Variants in NOVA1 observed in about 807,000 individuals in gnomAD.
The protein encoded by NOVA1 is RNA-binding protein Nova-1.
In NOVA1, 7 loss-of-function variants were observed where a neutral mutation model predicts 38.0. The ratio of observed to expected loss-of-function variants is 0.18; its 90% CI spans 0.10 to 0.35. The LOEUF (loss-of-function observed/expected upper bound fraction) is 0.35, where lower values mean the gene tolerates loss of function less well. Ranked by LOEUF, NOVA1 falls within the 10% of genes least tolerant of loss-of-function variation. NOVA1 has a pLI of 1.00. For synonymous variants in NOVA1, 270 were observed against 232.5 expected (o/e 1.16, Z -1.47); for missense variants, 460 against 616.0 (o/e 0.75, Z 2.68).
At chr14:26,576,812 G>A (rs1465418809) in intron 2 of NOVA1, among the ~76,000 whole-genome samples, 1 of 151,824 alleles carries the variant, frequency 6.6e-6, no homozygotes, top group Non-Finnish European at 1.5e-5. Context: ...ATAGTGAAAT[G>A]ATTACTACAG....
chr14:26,505,787 G>A (rs1165964184), intron 2 of NOVA1, among the ~76,000 whole-genome samples: 2 of 152,048 alleles, frequency 1.3e-5, no homozygotes, highest in African/African-American at 4.8e-5. Context: ...TGTTACTTGA[G>A]ATTCATTAAC....
At chr14:26,593,586 C>A (rs1893995471) in intron 2 of NOVA1, 1 of 151,852 alleles carries the variant, frequency 6.6e-6, no homozygotes, top group Non-Finnish European at 1.5e-5. Flanking sequence ...CGTCACCACA[C>A]ACACAAAATT....
chr14:26,550,730 T>G (rs1891107925), intron 2 of NOVA1, among the ~76,000 whole-genome samples: 1 of 152,136 alleles, frequency 6.6e-6, no homozygotes, highest in Non-Finnish European at 1.5e-5. Flanking sequence ...TATTCACACC[T>G]AGGTTTCTTT....
intron 2 of NOVA1, among the ~76,000 whole-genome samples, chr14:26,494,996 T>C (rs1386247318): frequency 6.6e-6 from 1 of 152,200 alleles, no homozygotes; most frequent in Non-Finnish European, 1.5e-5. Flanking sequence ...TGACCTCTGC[T>C]GAGCTCTCGT....
At chr14:26,479,055 CTT>C (rs1269571323) in intron 3 of NOVA1, 3 of 151,718 alleles carry the variant, frequency 2.0e-5, no homozygotes, top group Non-Finnish European at 4.4e-5. Context: ...ATTAATAAGA[CTT>C]TGAGCTACAT....
intron 3 of NOVA1, among the ~76,000 whole-genome samples, chr14:26,474,854 A>G (rs1256956197): frequency 6.6e-6 from 1 of 152,012 alleles, no homozygotes. Flanking sequence ...AAGATGTGAC[A>G]AGTTTTGCAG....
Position 26,446,634 on chromosome 14 carries a change from A to G in NOVA1, c.*1325T>C, listed in dbSNP as rs1882099969. ...CCCTATGAGTGGCCTTGAGTGGGCAAACTCAGAGGTTAACAGATGGTGTGT... is the reference window on the plus strand; with the variant it reads ...CCCTATGAGTGGCCTTGAGTGGGCAGACTCAGAGGTTAACAGATGGTGTGT... On this transcript the variant is annotated 3_prime_UTR_variant, in exon 5 of 5. Coordinates refer to ENST00000539517, the MANE Select transcript of NOVA1 (RefSeq NM_002515.3). The G allele has an allele frequency of 6.5e-6, 1 of 152,772 alleles. No individual in the cohort carries two copies. The highest frequency in any genetic ancestry group is 1.5e-5 in the Non-Finnish European group (1 of 68,152). 9.5% of individuals were successfully genotyped at this position (152,772 alleles called of 1,614,324 possible). A position where few individuals can be genotyped will look rare whatever the true frequency, so the allele number is the denominator to read the frequency against.
At chr14:26,467,717 G>A (rs563680926) in intron 4 of NOVA1, among the ~76,000 whole-genome samples, 2 of 152,196 alleles carry the variant, frequency 1.3e-5, no homozygotes, top group Non-Finnish European at 1.5e-5. Flanking sequence ...TTTTAGACAA[G>A]AGCAGGGAAA....
rs148675154 is a variant in NOVA1, at chr14:26,447,913, T to C, written c.*46A>G. 2.4e-5 allele frequency: 36 copies of C among 1,477,638 alleles called. No homozygotes were observed. In the Middle Eastern group the frequency reaches 5.5e-4, roughly 23 times the overall value. 91.5% of individuals were successfully genotyped at this position (1,477,638 alleles called of 1,614,324 possible). ...AAGTACAGTACATCCTTCTTGAAAA[T>C]GGGGTAAAGGAGGGGTTAAAACAAT... On this transcript the variant is annotated 3_prime_UTR_variant, in exon 5 of 5. Transcript: ENST00000539517.
intron 2 of NOVA1, among the ~76,000 whole-genome samples, chr14:26,558,174 T>TTATA (rs1030187897): frequency 2.7e-5 from 4 of 150,320 alleles, no homozygotes; most frequent in Non-Finnish European, 4.4e-5. Context: ...TTTACAAATC[T>TTATA]TATATATATA....
At chr14:26,596,010 G>A (rs531788053) in intron 1 of NOVA1, 2 of 318,982 alleles carry the variant, frequency 6.3e-6, no homozygotes, top group East Asian at 9.3e-5. Context: ...TTTGTCATTA[G>A]CAGACACATA....
intron 2 of NOVA1, among the ~76,000 whole-genome samples, chr14:26,495,115 T>C (rs1180320204): frequency 2.0e-5 from 3 of 152,128 alleles, no homozygotes; most frequent in African/African-American, 7.2e-5. Flanking sequence ...GCCTTTTTTT[T>C]CCCACTGATC....
Position 26,447,922 on chromosome 14 carries a change from G to A in NOVA1, c.*37C>T, listed in dbSNP as rs142159341. On this transcript the variant is annotated 3_prime_UTR_variant, in exon 5 of 5. Transcript: ENST00000539517. ...ACATCCTTCTTGAAAATGGGGTAAA[G>A]GAGGGGTTAAAACAATCTGATGTGT... is the stretch of plus-strand genomic sequence containing the variant. 6.5e-7 allele frequency: 1 copy of A among 1,547,970 alleles called. No homozygotes were observed. The highest frequency in any genetic ancestry group is 8.9e-7 in the Non-Finnish European group (1 of 1,122,218).
At chr14:26,540,019 AACATTTC>A (rs1350069590) in intron 2 of NOVA1, among the ~76,000 whole-genome samples, 7 of 152,174 alleles carry the variant, frequency 4.6e-5, no homozygotes, top group African/African-American at 1.7e-4. Context: ...AGTCTTTTGT[AACATTTC>A]CAAGGAAGCT....
At chr14:26,496,184 C>A (rs1886764633) in intron 2 of NOVA1, among the ~76,000 whole-genome samples, 1 of 151,600 alleles carries the variant, frequency 6.6e-6, no homozygotes, top group South Asian at 2.1e-4. Flanking sequence ...TTAATGATTG[C>A]CATTCTAACT....
chr14:26,583,920 C>CACAT lies in NOVA1; in HGVS notation c.280+11489_280+11490insATGT, dbSNP rs1893371537. On this transcript the variant is annotated intron_variant, in intron 2 of 4. Transcript: ENST00000539517. Reference sequence around the variant, plus strand: ...ACACACACACACACACACACACACACATATATTGTATAAATCACTCATGTT... The same window carrying CACAT: ...ACACACACACACACACACACACACACACATATATATTGTATAAATCACTCATGTT... Among the ~76,000 whole-genome samples the CACAT allele has an allele frequency of 2.2e-5, 3 of 135,922 alleles. No homozygotes were observed. In the South Asian group the frequency reaches 7.2e-4, roughly 33 times the overall value. The allele number at this position is 135,922 out of a possible 152,430, so 89.2% of individuals were successfully genotyped here.
In NOVA1 at chr14:26,512,212, TAA is replaced by T. The variant is rs1244288808; in HGVS notation, c.281-32071_281-32070del. 3.3e-5 allele frequency among the ~76,000 whole-genome samples: 5 copies of T among 152,344 alleles called. No homozygotes were observed. The East Asian group carries it at 9.6e-4, about 29-fold the overall frequency. On this transcript the variant is annotated intron_variant, in intron 2 of 4. Transcript: ENST00000539517. ...CCTGAATTACTCAAAAATATTTAAT[TAA>T]GACTTCTTTTAAACTGCTTTTAAAA...
Position 26,444,706 on chromosome 14 carries a change from A to G in NOVA1, c.*3253T>C, listed in dbSNP as rs898237347. On this transcript the variant is annotated 3_prime_UTR_variant, in exon 5 of 5. Transcript: ENST00000539517. Reference sequence around the variant, plus strand: ...GAAGTGAAGTAGGATTGAAAGTCCTACAGGTAATAGCAATAACTGGAAGTG... The same window carrying G: ...GAAGTGAAGTAGGATTGAAAGTCCTGCAGGTAATAGCAATAACTGGAAGTG... The G allele has an allele frequency of 6.6e-6, 1 of 152,152 alleles. No homozygotes were observed. Among genetic ancestry groups the G allele is most frequent in the Non-Finnish European group, 1.5e-5 (1 of 68,026 alleles). The allele number at this position is 152,152 out of a possible 1,614,324, so 9.4% of individuals were successfully genotyped here. A position where few individuals can be genotyped will look rare whatever the true frequency, so the allele number is the denominator to read the frequency against.
chr14:26,559,760 G>T (rs1283852194), intron 2 of NOVA1, among the ~76,000 whole-genome samples: 1 of 152,104 alleles, frequency 6.6e-6, no homozygotes, highest in East Asian at 1.9e-4. Flanking sequence ...GGGATAAAAA[G>T]AGGTTGATTA....
Sources: allele counts gnomAD v4.1 joint callset (sites outside exome capture counted in the v4.1 genomes callset), GRCh38; gene constraint gnomAD v4.1.1; transcripts MANE v1.5; gene names NCBI Gene and HGNC (gene_info 2026-07-23, HGNC 2026-07-21).